Variants in SLK observed in about 807,000 individuals in gnomAD.
SLK encodes STE20-like serine/threonine-protein kinase.
A neutral mutation model predicts 147.7 loss-of-function variants in SLK; 67 were observed. That is an observed-to-expected ratio of 0.45 (90% CI 0.37 to 0.56). The LOEUF is 0.56. Among genes scored for constraint, SLK ranks in the 20% least tolerant of loss-of-function variants. The pLI is 0.00. For synonymous variants in SLK, 441 were observed against 475.0 expected (o/e 0.93, Z 0.93); for missense variants, 1,136 against 1,438.8 (o/e 0.79, Z 3.41).
At chr10:103,990,610 A>G in intron 1 of SLK, 65 bp from the exon 2 acceptor site, 1 of 943,594 alleles carries the variant, frequency 1.1e-6, no homozygotes, top group African/African-American at 1.8e-5. Context: ...AAAATCTATT[A>G]AAATAATAAA....
intron 2 of SLK, 111 bp from the exon 3 acceptor site, chr10:103,992,487 T>TG: frequency 1.0e-6 from 1 of 958,896 alleles, no homozygotes; most frequent in Non-Finnish European, 1.5e-6. Flanking sequence ...CATAACCAGA[T>TG]TATTTGATAG....
At position 104,025,717 on chromosome 10, in the gene SLK, A is replaced by C. The variant is rs143127472; in HGVS notation, c.3705A>C (p.Ser1235=). The change falls in exon 19 of 19, where the codon TCA becomes TCC. Residue 1235 remains serine, a synonymous_variant. Coordinates refer to ENST00000369755, the MANE Select transcript of SLK (RefSeq NM_014720.4). ...YPIPSLHSTG[S] is the part of the protein sequence containing the mutation. ...TTCCCAGCTTGCATTCCACCGGATCATAACAAAGGGAAGCATTCTGTGCGT... is the reference window on the plus strand; with the variant it reads ...TTCCCAGCTTGCATTCCACCGGATCCTAACAAAGGGAAGCATTCTGTGCGT... The C allele has an allele frequency of 6.2e-7, 1 of 1,613,900 alleles. No individual in the cohort carries two copies. The highest frequency in any genetic ancestry group is 1.3e-5 in the African/African-American group (1 of 74,936).
At chr10:104,006,892 TC>T (rs1250748682) in intron 11 of SLK, among the ~76,000 whole-genome samples, 2 of 152,242 alleles carry the variant, frequency 1.3e-5, no homozygotes, top group South Asian at 2.1e-4. Context: ...TCTGTATTTC[TC>T]CCCCATCATA....
intron 9 of SLK, among the ~76,000 whole-genome samples, chr10:104,004,453 C>T (rs2134502104): frequency 6.6e-6 from 1 of 152,254 alleles, no homozygotes; most frequent in Admixed American, 6.5e-5. Flanking sequence ...TTAGTAGGAG[C>T]TGAAGAAATG....
intron 9 of SLK, among the ~76,000 whole-genome samples, chr10:104,004,506 G>C (rs1844298845): frequency 6.6e-6 from 1 of 151,812 alleles, no homozygotes; most frequent in African/African-American, 2.4e-5. Flanking sequence ...ATTTTTTGGA[G>C]TCTGCCAACT....
chr10:103,998,874 A>G, intron 4 of SLK, 25 bp from the exon 5 acceptor site: 3 of 1,568,534 alleles, frequency 1.9e-6, no homozygotes, highest in Non-Finnish European at 2.6e-6. Flanking sequence ...AGTTCTCATT[A>G]ATGCTTTTGT....
chr10:103,997,618 G>T (rs765493978), intron 4 of SLK, among the ~76,000 whole-genome samples: 24 of 151,690 alleles, frequency 1.6e-4, no homozygotes, highest in African/African-American at 2.2e-4. Flanking sequence ...CATCCTACTG[G>T]GTGTGAAGCG....
chr10:103,992,371 T>C (rs1844108442), intron 2 of SLK, among the ~76,000 whole-genome samples: 1 of 152,004 alleles, frequency 6.6e-6, no homozygotes, highest in Admixed American at 6.6e-5. Flanking sequence ...ACAGTAAACA[T>C]GGCAATTAAC....
chr10:103,976,252 G>A (rs1455485179), intron 1 of SLK, among the ~76,000 whole-genome samples: 1 of 151,980 alleles, frequency 6.6e-6, no homozygotes, highest in African/African-American at 2.4e-5. Context: ...GAATATTCTT[G>A]TGCCTTTTGG....
At chr10:103,992,209 A>G (rs146060290) in intron 2 of SLK, among the ~76,000 whole-genome samples, 1,881 of 120,668 alleles carry the variant, frequency 0.016, 41 homozygotes, top group African/African-American at 0.055. Flanking sequence ...CCTATTTAAT[A>G]CAGTTTAAAA....
At chr10:103,979,626 T>A (rs1386029473) in intron 1 of SLK, among the ~76,000 whole-genome samples, 3 of 152,188 alleles carry the variant, frequency 2.0e-5, no homozygotes, top group Admixed American at 2.0e-4. Context: ...TGATTACTAA[T>A]GAGGTTGAGC....
At chr10:103,999,424 C>A in intron 6 of SLK, 111 bp downstream of exon 6, 2 of 790,350 alleles carry the variant, frequency 2.5e-6, no homozygotes, top group Non-Finnish European at 4.0e-6. Context: ...ATACATGGTT[C>A]GAAGACTATA....
rs749830006 is a variant in SLK at position 104,019,905 on chromosome 10, C to T, written c.3304C>T (p.Arg1102Cys). The change falls in exon 16 of 19, where the codon CGT (arginine) becomes TGT (cysteine). Residue 1102 changes from arginine to cysteine, a missense_variant. By Grantham distance (180) the Arg-to-Cys change is radical (BLOSUM62 -3). Transcript: ENST00000369755. ...INSTATPDQD[R>C]DKIKQFAAQE... Reference sequence around the variant, plus strand: ...CTCAACAGCCACACCAGATCAGGACCGTGATAAAATTAAACAGGTAAATAT... The same window carrying T: ...CTCAACAGCCACACCAGATCAGGACTGTGATAAAATTAAACAGGTAAATAT... 13 of 1,612,072 alleles carry T rather than the reference C, an allele frequency of 8.1e-6. No individual in the cohort carries two copies. Among genetic ancestry groups the T allele is most frequent in the East Asian group, 2.2e-5 (1 of 44,836 alleles).
At chr10:104,007,339 C>G (rs1454591460) in intron 11 of SLK, among the ~76,000 whole-genome samples, 1 of 152,086 alleles carries the variant, frequency 6.6e-6, no homozygotes, top group Non-Finnish European at 1.5e-5. Flanking sequence ...GGCGCAGTGC[C>G]TTATTCCTGT....
At chr10:103,996,526 G>A (rs1844176711) in intron 4 of SLK, among the ~76,000 whole-genome samples, 1 of 151,302 alleles carries the variant, frequency 6.6e-6, no homozygotes, top group Non-Finnish European at 1.5e-5. Flanking sequence ...AGCCTCCCGA[G>A]TAGCTGGGAC....
intron 1 of SLK, among the ~76,000 whole-genome samples, chr10:103,986,742 G>A (rs1297397394): frequency 7.2e-6 from 1 of 139,320 alleles, no homozygotes; most frequent in East Asian, 2.3e-4. Context: ...GCAATGGCAC[G>A]ATCTCGGCTC....
Position 104,014,424 on chromosome 10 carries a change from G to A in SLK, c.2877+3516G>A, listed in dbSNP as rs150531800. Among the ~76,000 whole-genome samples the A allele has an allele frequency of 4.6e-5, 7 of 152,252 alleles. No homozygotes were observed. The East Asian group carries it at 9.6e-4, about 21-fold the overall frequency. On this transcript the variant is annotated intron_variant, in intron 13 of 18. Transcript: ENST00000369755. ...TAACACTGTAATTTTTGTTTGTGAC[G>A]TCTGATATATACAACAGGAGTAGAT... is the stretch of plus-strand genomic sequence containing the variant.
chr10:104,019,988 A>G (rs890289079), intron 16 of SLK, 66 bp downstream of exon 16: 14 of 1,270,872 alleles, frequency 1.1e-5, no homozygotes, highest in Middle Eastern at 3.8e-4. Flanking sequence ...TAGAAGTTCT[A>G]CAAAATTCCT....
At chr10:104,023,160 C>T (rs1209518603) in intron 18 of SLK, among the ~76,000 whole-genome samples, 1 of 152,180 alleles carries the variant, frequency 6.6e-6, no homozygotes, top group African/African-American at 2.4e-5. Context: ...TCTTAAAATT[C>T]TCCTCTCACC....
Sources: allele counts gnomAD v4.1 joint callset (sites outside exome capture counted in the v4.1 genomes callset), GRCh38; gene constraint gnomAD v4.1.1; transcripts MANE v1.5; gene names NCBI Gene and HGNC (gene_info 2026-07-23, HGNC 2026-07-21).